TOX: variants seen among roughly 807,000 people sequenced by gnomAD.
TOX encodes the protein thymocyte selection associated high mobility group box.
In TOX, 11 loss-of-function variants were observed where a neutral mutation model predicts 53.7. The observed-to-expected ratio is 0.20, with a 90% CI of 0.13 to 0.34. The LOEUF (loss-of-function observed/expected upper bound fraction) is 0.34, where lower values mean the gene tolerates loss of function less well. Among genes scored for constraint, TOX ranks in the 10% least tolerant of loss-of-function variants. TOX has a pLI of 1.00. For synonymous variants in TOX, 225 were observed against 245.3 expected (o/e 0.92, Z 0.77); for missense variants, 570 against 664.6 (o/e 0.86, Z 1.56).
chr8:58,810,081 A>T (rs1810052311), intron 7 of TOX, among the ~76,000 whole-genome samples: 1 of 151,706 alleles, frequency 6.6e-6, no homozygotes, highest in South Asian at 2.1e-4. Context: ...AAACTCCTAG[A>T]CTAATGCAAC....
chr8:58,822,009 C>T (rs1810284744), intron 6 of TOX, among the ~76,000 whole-genome samples: 1 of 152,158 alleles, frequency 6.6e-6, no homozygotes, highest in Non-Finnish European at 1.5e-5. Context: ...AACAGGCTTC[C>T]TGTGATTCCA....
Position 58,807,056 on chromosome 8 carries a change from T to C in TOX, c.*691A>G, listed in dbSNP as rs1443696723. On this transcript the variant is annotated 3_prime_UTR_variant, in exon 9 of 9. Transcript: ENST00000361421. The stretch of plus-strand genomic sequence containing the variant: ...TTTTCTGCAGTACAAAATAAATGTG[T>C]TTGCGCTTCCCTTAATACTAGTTTC... 2 of 152,654 alleles carry C rather than the reference T, an allele frequency of 1.3e-5. No homozygotes were observed. Among genetic ancestry groups the C allele is most frequent in the Non-Finnish European group, 2.9e-5 (2 of 68,034 alleles). 9.5% of individuals were successfully genotyped at this position (152,654 alleles called of 1,614,324 possible).
At chr8:58,912,871 T>C (rs923007426) in intron 3 of TOX, among the ~76,000 whole-genome samples, 34 of 152,214 alleles carry the variant, frequency 2.2e-4, no homozygotes, top group African/African-American at 7.7e-4. Context: ...GAGTCATGCT[T>C]TAATCTTACA....
Position 58,849,200 on chromosome 8 carries a change from T to A in TOX, c.693+2324A>T, listed in dbSNP as rs116206996. ...TGGAGACAAGGTGAAAAACAGTGCA[T>A]AGAATTGGAATGAAGGGTTACTTTT... On this transcript the variant is annotated intron_variant, in intron 4 of 8. Transcript: ENST00000361421. 3.4e-3 allele frequency among the ~76,000 whole-genome samples: 514 copies of A among 152,212 alleles called. 3 individuals carry two copies. Among genetic ancestry groups the A allele is most frequent in the African/African-American group, 0.012 (491 of 41,552 alleles).
chr8:58,974,034 G>A (rs1445886049), intron 1 of TOX, among the ~76,000 whole-genome samples: 1 of 152,146 alleles, frequency 6.6e-6, no homozygotes, highest in East Asian at 1.9e-4. Flanking sequence ...CTGACCTCAG[G>A]TGAAACACCT....
intron 3 of TOX, among the ~76,000 whole-genome samples, chr8:58,897,584 C>A (rs1811672812): frequency 6.6e-6 from 1 of 152,150 alleles, no homozygotes; most frequent in Admixed American, 6.6e-5. Flanking sequence ...ATTTGAAGAT[C>A]CTGGCAACTG....
At chr8:58,911,058 C>G (rs530874544) in intron 3 of TOX, among the ~76,000 whole-genome samples, 1 of 150,244 alleles carries the variant, frequency 6.7e-6, no homozygotes, top group South Asian at 2.1e-4. Context: ...TTTTTTTTTC[C>G]TTCGGAGAAG....
At chr8:58,980,419 A>ACT (rs1290283289) in intron 1 of TOX, among the ~76,000 whole-genome samples, 3 of 152,148 alleles carry the variant, frequency 2.0e-5, no homozygotes, top group African/African-American at 7.2e-5. Flanking sequence ...GAAAAAAAAA[A>ACT]CTAAGATTTA....
At chr8:58,965,894 G>GCTTTTTTTT in intron 1 of TOX, among the ~76,000 whole-genome samples, 1 of 49,630 alleles carries the variant, frequency 2.0e-5, no homozygotes, top group African/African-American at 7.7e-5. Flanking sequence ...ACGAGTCATC[G>GCTTTTTTTT]TTTTTTTTTT....
intron 1 of TOX, among the ~76,000 whole-genome samples, chr8:59,082,934 C>T (rs371651787): frequency 1.8e-3 from 270 of 152,324 alleles, no homozygotes; most frequent in African/African-American, 6.3e-3. Context: ...CCTACCCCAA[C>T]CCCTTCATCG....
At chr8:58,911,890 C>T (rs558560049) in intron 3 of TOX, among the ~76,000 whole-genome samples, 43 of 152,116 alleles carry the variant, frequency 2.8e-4, no homozygotes, top group East Asian at 9.7e-4. Flanking sequence ...TTAGTGGAGA[C>T]GGGGTTTCTC....
intron 1 of TOX, among the ~76,000 whole-genome samples, chr8:58,988,111 G>A (rs929171180): frequency 2.6e-5 from 4 of 152,166 alleles, no homozygotes; most frequent in Non-Finnish European, 4.4e-5. Flanking sequence ...AACATTGGAT[G>A]AACAGTCACC....
chr8:58,899,639 A>G (rs889937738), intron 3 of TOX, among the ~76,000 whole-genome samples: 1 of 152,210 alleles, frequency 6.6e-6, no homozygotes, highest in African/African-American at 2.4e-5. Flanking sequence ...TATACTTACC[A>G]GGTTCGGCAA....
chr8:58,875,756 C>A (rs1438019889), intron 3 of TOX, among the ~76,000 whole-genome samples: 1 of 152,184 alleles, frequency 6.6e-6, no homozygotes, highest in East Asian at 1.9e-4. Flanking sequence ...GTTAGATGAG[C>A]TGGATTCAAT....
chr8:59,038,339 T>A lies in TOX; in HGVS notation c.103-78331A>T, dbSNP rs2059836. ...CAAATAAATGCCTATACAAGACTAG[T>A]AAGGCAGATGACAATTAAATAGCAG... On this transcript the variant is annotated intron_variant, in intron 1 of 8. Transcript: ENST00000361421. Among the ~76,000 whole-genome samples the A allele has an allele frequency of 1.6e-3, 241 of 152,350 alleles. 1 individual carries two copies. In the East Asian group the frequency reaches 0.036, roughly 23 times the overall value.
chr8:59,089,656 C>T lies in TOX; in HGVS notation c.102+29230G>A, dbSNP rs112659407. Among the ~76,000 whole-genome samples, 133 of 152,364 alleles carry T rather than the reference C, an allele frequency of 8.7e-4. 2 individuals carry two copies. Among genetic ancestry groups the T allele is most frequent in the African/African-American group, 3.1e-3 (130 of 41,582 alleles). On this transcript the variant is annotated intron_variant, in intron 1 of 8. Coordinates refer to ENST00000361421, the MANE Select transcript of TOX (RefSeq NM_014729.3). ...CCTAGGCTGGACGGCAGTCGTCAAT[C>T]ACCACTGACTGCAGCCTCAATCTCC... is the stretch of plus-strand genomic sequence containing the variant.
chr8:58,847,571 A>G (rs569935539), intron 4 of TOX, among the ~76,000 whole-genome samples: 211 of 152,236 alleles, frequency 1.4e-3, no homozygotes, highest in Middle Eastern at 6.8e-3. Context: ...CCCTGAGAAT[A>G]ACAGCATGAG....
intron 1 of TOX, among the ~76,000 whole-genome samples, chr8:59,078,026 A>C (rs1289818246): frequency 2.0e-5 from 3 of 152,174 alleles, no homozygotes; most frequent in Non-Finnish European, 4.4e-5. Context: ...AAAAAAGGAA[A>C]TGGAGGAAAA....
chr8:58,940,908 C>A lies in TOX; in HGVS notation c.169-1364G>T, dbSNP rs970560142. ...GTTTAGGTGCCATCAGAAGACAAGA[C>A]TAAATGAAGAGCTACTTGGAACATC... On this transcript the variant is annotated intron_variant, in intron 2 of 8. Coordinates refer to ENST00000361421, the MANE Select transcript of TOX (RefSeq NM_014729.3). Among the ~76,000 whole-genome samples, 28 of 152,112 alleles carry A rather than the reference C, an allele frequency of 1.8e-4. 1 individual carries two copies. The highest frequency in any genetic ancestry group is 1.0e-3 in the Admixed American group (16 of 15,264).
Sources: gnomAD v4.1 joint callset for allele counts (sites outside exome capture counted in the v4.1 genomes callset) on GRCh38, gnomAD v4.1.1 for gene constraint, MANE v1.5 for transcripts, NCBI Gene and HGNC (gene_info 2026-07-23, HGNC 2026-07-21) for gene names.